The following GADL1 variants were observed in gnomAD, a reference collection of about 807,000 sequenced individuals.
The protein encoded by GADL1 is GAD like acidic amino acid decarboxylase 1.
In GADL1, 71 loss-of-function variants were observed where a neutral mutation model predicts 69.5. The observed-to-expected ratio is 1.02, with a 90% CI of 0.84 to 1.25. The LOEUF (loss-of-function observed/expected upper bound fraction) is 1.25. Among genes scored for constraint, GADL1 ranks in the 50% most tolerant of loss-of-function variants. GADL1 has a pLI of 0.00. For missense variants in GADL1, 737 were observed against 631.8 expected, an observed-to-expected ratio of 1.17 and a Z score of -1.79; for synonymous variants, 254 against 214.4, an observed-to-expected ratio of 1.18 and a Z score of -1.62.
chr3:30,851,920 C>T (rs757012004), intron 4 of GADL1, among the ~76,000 whole-genome samples: 43 of 124,764 alleles, frequency 3.4e-4, no homozygotes, highest in Non-Finnish European at 3.6e-4. Context: ...TTGTAACAGT[C>T]ACCATGCCTT....
chr3:30,830,010 T>C (rs1013675866), intron 11 of GADL1, among the ~76,000 whole-genome samples: 3 of 151,970 alleles, frequency 2.0e-5, no homozygotes, highest in African/African-American at 7.2e-5. Context: ...CAATAAGCTG[T>C]GGCATGAAGG....
intron 14 of GADL1, among the ~76,000 whole-genome samples, chr3:30,759,128 G>A (rs795448): frequency 1.4e-3 from 209 of 152,234 alleles, no homozygotes; most frequent in Non-Finnish European, 7.6e-4. Context: ...CTGGCATCTC[G>A]TAAGGCAAAT....
At chr3:30,852,907 AC>A (rs1698171654) in intron 4 of GADL1, among the ~76,000 whole-genome samples, 1 of 152,126 alleles carries the variant, frequency 6.6e-6, no homozygotes. Flanking sequence ...CTCCTGACTT[AC>A]CCTCACTGTA....
intron 14 of GADL1, among the ~76,000 whole-genome samples, chr3:30,751,315 C>T (rs572611981): frequency 3.2e-4 from 49 of 151,930 alleles, no homozygotes; most frequent in African/African-American, 1.0e-3. Context: ...AGCCCTGGGA[C>T]CATTGTGGTA....
intron 14 of GADL1, among the ~76,000 whole-genome samples, chr3:30,749,201 C>A (rs114839061): frequency 1.3e-5 from 2 of 152,170 alleles, no homozygotes; most frequent in African/African-American, 2.4e-5. Flanking sequence ...GTAATTGATT[C>A]TATCCAGTCT....
At chr3:30,805,231 C>A (rs2125509166) in intron 11 of GADL1, among the ~76,000 whole-genome samples, 2 of 152,260 alleles carry the variant, frequency 1.3e-5, no homozygotes, top group African/African-American at 4.8e-5. Context: ...AAGTTAATTA[C>A]CTAAGTTCAT....
intron 11 of GADL1, among the ~76,000 whole-genome samples, chr3:30,826,842 A>G (rs1442281174): frequency 6.6e-6 from 1 of 151,904 alleles, no homozygotes; most frequent in Non-Finnish European, 1.5e-5. Context: ...AAAGGAAACC[A>G]TGAGTCACTG....
In GADL1 at chr3:30,850,406, C is replaced by T. The variant is rs535385393; in HGVS notation, c.536-295G>A. 2.6e-5 allele frequency among the ~76,000 whole-genome samples: 4 copies of T among 152,164 alleles called. No individual in the cohort carries two copies. The South Asian group carries it at 8.3e-4, about 32-fold the overall frequency. ...GTGAGCTCTGGACTTAGGGCCTTTA[C>T]CTAGGTCTCCATAGTTAATATTCTT... On this transcript the variant is annotated intron_variant, in intron 5 of 14. Transcript: ENST00000282538.
At chr3:30,862,251 T>G (rs4955342) in intron 1 of GADL1, among the ~76,000 whole-genome samples, 31,314 of 151,916 alleles carry the variant, frequency 0.21, 3,746 homozygotes, top group East Asian at 0.51. Context: ...AATCCTTTCC[T>G]CAGAGACAGC....
At chr3:30,855,888 T>C (rs1698224249) in intron 3 of GADL1, among the ~76,000 whole-genome samples, 1 of 150,044 alleles carries the variant, frequency 6.7e-6, no homozygotes, top group Non-Finnish European at 1.5e-5. Flanking sequence ...CAAAAGAAAA[T>C]GTCTTTTCAG....
chr3:30,761,221 G>C (rs1245885595), intron 14 of GADL1, among the ~76,000 whole-genome samples: 1 of 152,106 alleles, frequency 6.6e-6, no homozygotes, highest in Non-Finnish European at 1.5e-5. Flanking sequence ...TATATATTGA[G>C]AGATGTTCTA....
intron 11 of GADL1, among the ~76,000 whole-genome samples, chr3:30,809,474 A>G (rs1354883231): frequency 6.6e-6 from 1 of 152,180 alleles, no homozygotes; most frequent in Non-Finnish European, 1.5e-5. Flanking sequence ...TCAATGTAGG[A>G]GGTTCAAATC....
chr3:30,814,421 A>T (rs1342395897), intron 11 of GADL1, among the ~76,000 whole-genome samples: 1 of 152,204 alleles, frequency 6.6e-6, no homozygotes, highest in Non-Finnish European at 1.5e-5. Flanking sequence ...GATAGATAGA[A>T]TCTTATCTGT....
At chr3:30,824,903 A>T (rs9310949) in intron 11 of GADL1, among the ~76,000 whole-genome samples, 1 of 151,616 alleles carries the variant, frequency 6.6e-6, no homozygotes, top group South Asian at 2.1e-4. Context: ...CATTTATTTT[A>T]TGCATGTTTT....
chr3:30,765,316 TCA>T (rs1158952206), intron 14 of GADL1, among the ~76,000 whole-genome samples: 1 of 4,830 alleles, frequency 2.1e-4, no homozygotes, highest in Non-Finnish European at 5.1e-4. Context: ...GCAGACCAAC[TCA>T]CACTTTCAGG....
At position 30,844,422 on chromosome 3, in the gene GADL1, G is replaced by A. The variant is rs756024788; in HGVS notation, c.696C>T (p.Gly232=). The A allele has an allele frequency of 2.0e-5, 32 of 1,613,296 alleles. No individual in the cohort carries two copies. The highest frequency in any genetic ancestry group is 1.0e-4 in the Admixed American group (6 of 59,998). The change falls in exon 7 of 15, where the codon GGC becomes GGT. Residue 232 remains glycine (G), a synonymous_variant. Transcript: ENST00000282538. The part of the protein sequence containing the change: ...MKKAASFLGI[G]TENVCFVETD... ...TTTCCACAAAGCAAACATTCTCAGTGCCAATCCCAAGAAAAGAGGCTGCCT... is the reference window on the plus strand; with the variant it reads ...TTTCCACAAAGCAAACATTCTCAGTACCAATCCCAAGAAAAGAGGCTGCCT...
In GADL1 at chr3:30,860,286, A is replaced by T. The variant is rs80197562; in HGVS notation, c.210+1307T>A. 1.4e-3 allele frequency among the ~76,000 whole-genome samples: 218 copies of T among 152,096 alleles called. 2 individuals carry two copies. In the East Asian group the frequency reaches 0.034, roughly 24 times the overall value. On this transcript the variant is annotated intron_variant, in intron 2 of 14. Coordinates refer to ENST00000282538, the MANE Select transcript of GADL1 (RefSeq NM_207359.3). ...GAAAACATATCCTTCCAATTAGATTATAAATTCTGTTCAGAGCTGGGCCTT... is the reference window on the plus strand; with the variant it reads ...GAAAACATATCCTTCCAATTAGATTTTAAATTCTGTTCAGAGCTGGGCCTT...
chr3:30,746,184 T>C (rs1467596937), intron 14 of GADL1, among the ~76,000 whole-genome samples: 1 of 152,026 alleles, frequency 6.6e-6, no homozygotes, highest in Non-Finnish European at 1.5e-5. Context: ...AGACAGGGTT[T>C]CACCATGTTC....
chr3:30,789,340 C>A (rs1037140323), intron 12 of GADL1, among the ~76,000 whole-genome samples: 6 of 152,196 alleles, frequency 3.9e-5, no homozygotes, highest in Admixed American at 2.6e-4. Context: ...CAAGTCTCAA[C>A]AGTGGGCTTC....
Sources: allele counts gnomAD v4.1 joint callset (sites outside exome capture counted in the v4.1 genomes callset), GRCh38; gene constraint gnomAD v4.1.1; transcripts MANE v1.5; gene names NCBI Gene and HGNC (gene_info 2026-07-23, HGNC 2026-07-21).